The following SH2B2 variants were observed in gnomAD, a reference collection of about 807,000 sequenced individuals.
SH2B2 encodes the protein SH2B adapter protein 2.
SH2B2 carries 37 observed loss-of-function variants against 35.7 expected under a neutral mutation model. The observed-to-expected ratio is 1.04, with a 90% confidence interval of 0.80 to 1.36. SH2B2 has a LOEUF of 1.36. Among genes scored for constraint, SH2B2 ranks in the 40% most tolerant of loss-of-function variants. The probability of loss-of-function intolerance (pLI) is 0.00; values close to 1 mark genes in which losing one functional copy is unlikely to be tolerated. For missense variants in SH2B2, 852 were observed against 817.7 expected (o/e 1.04, Z -0.51); for synonymous variants, 383 against 376.4 (o/e 1.02, Z -0.20).
At chr7:102,305,376 G>A (rs1436090400) in intron 2 of SH2B2, among the ~76,000 whole-genome samples, 3 of 151,664 alleles carry the variant, frequency 2.0e-5, no homozygotes, top group South Asian at 2.1e-4. Context: ...AGTGATCCTC[G>A]TGCCTCAGCC....
intron 2 of SH2B2, among the ~76,000 whole-genome samples, chr7:102,301,559 CGTGTGTGT>C (rs144412397): frequency 0.027 from 3,916 of 145,128 alleles, 188 homozygotes; most frequent in African/African-American, 0.094. Context: ...TGTGTGTGTC[CGTGTGTGT>C]GTGTGTGTGT....
At position 102,301,256 on chromosome 7, in the gene SH2B2, C is replaced by A; in HGVS notation, c.706C>A (p.Leu236Met). ...GGCTGTGGCCGAGGAACGCTTCCGCCTGGAGTTCTTCGTGCCGCCCAAAGT... is the reference window on the plus strand; with the variant it reads ...GGCTGTGGCCGAGGAACGCTTCCGCATGGAGTTCTTCGTGCCGCCCAAAGT... Reference protein sequence around the residue: ...RRAVAEERFRLEFFVPPKASR... With the variant: ...RRAVAEERFRMEFFVPPKASR... The change falls in exon 2 of 9, where the codon CTG becomes ATG. Residue 236 changes from leucine (L) to methionine (M), a missense_variant. By Grantham distance (15) the Leu-to-Met change is conservative (BLOSUM62 2). This residue lies in a region of SH2B2 where 556 missense variants were observed against 514.5 expected (regional missense o/e 1.08). Transcript: ENST00000444095. 6.2e-7 allele frequency: 1 copy of A among 1,604,988 alleles called. No homozygotes were observed. Among genetic ancestry groups the A allele is most frequent in the Non-Finnish European group, 8.5e-7 (1 of 1,176,270 alleles).
chr7:102,308,989 A>C (rs1255409569), intron 4 of SH2B2, 83 bp downstream of exon 4: 2 of 1,072,922 alleles, frequency 1.9e-6, no homozygotes, highest in Non-Finnish European at 2.9e-6. Context: ...GCTTCCTAGC[A>C]GGGCGGGAGC....
chr7:102,300,473 C>A, intron 1 of SH2B2, 49 bp from the exon 2 acceptor site: 1 of 1,478,310 alleles, frequency 6.8e-7, no homozygotes, highest in Non-Finnish European at 9.0e-7. Context: ...GACAGGTGGG[C>A]GCATTGATCA....
At chr7:102,288,428 A>G (rs1239922931) in intron 1 of SH2B2, among the ~76,000 whole-genome samples, 1 of 152,092 alleles carries the variant, frequency 6.6e-6, no homozygotes, top group Admixed American at 6.5e-5. Context: ...ACCAACATAC[A>G]AGAACAGCCC....
At chr7:102,304,432 T>C (rs1438020154) in intron 2 of SH2B2, among the ~76,000 whole-genome samples, 1 of 151,920 alleles carries the variant, frequency 6.6e-6, no homozygotes, top group African/African-American at 2.4e-5. Flanking sequence ...GGGAAACCAC[T>C]GGGAAACCTG....
At chr7:102,312,997 T>C (rs913873013) in intron 4 of SH2B2, among the ~76,000 whole-genome samples, 19 of 151,572 alleles carry the variant, frequency 1.3e-4, no homozygotes, top group East Asian at 5.8e-4. Flanking sequence ...GGCGTGGTGG[T>C]ACATGCCTGT....
chr7:102,300,709 C>G lies in SH2B2; in HGVS notation c.159C>G (p.Asp53Glu), dbSNP rs1554553465. Reference protein sequence around the residue: ...CRFLRDNPAYDTPDAGASFSR... With the variant: ...CRFLRDNPAYETPDAGASFSR... Reference sequence around the variant, plus strand: ...TCCTGCGGGACAACCCAGCTTACGACACGCCCGACGCCGGCGCCTCCTTCT... The same window carrying G: ...TCCTGCGGGACAACCCAGCTTACGAGACGCCCGACGCCGGCGCCTCCTTCT... Residue 53 changes from aspartate (D) to glutamate (E), a missense_variant, in exon 2 of 9, where the codon GAC becomes GAG. Asp to Glu is a conservative substitution (Grantham distance 45). Around this residue, in one of 3 missense-constraint regions of SH2B2, gnomAD observed 294 missense variants for 286.6 expected, o/e 1.03. Coordinates refer to ENST00000444095, the MANE Select transcript of SH2B2 (RefSeq NM_001359228.2). The G allele has an allele frequency of 6.5e-7, 1 of 1,538,960 alleles. No homozygotes were observed.
chr7:102,314,789 T>C (rs1793757152), intron 6 of SH2B2, 107 bp downstream of exon 6: 1 of 398,066 alleles, frequency 2.5e-6, no homozygotes, highest in Non-Finnish European at 4.4e-6. Context: ...TCAGAAGCTG[T>C]GACATCTCAT....
intron 6 of SH2B2, 178 bp from the exon 7 acceptor site, chr7:102,317,009 C>G (rs1440188407): frequency 1.7e-6 from 1 of 575,410 alleles, no homozygotes; most frequent in Non-Finnish European, 3.0e-6. Context: ...GCGACAAGAG[C>G]GAAACTTCGT....
intron 4 of SH2B2, among the ~76,000 whole-genome samples, chr7:102,310,301 G>A (rs1300867158): frequency 6.6e-6 from 1 of 152,202 alleles, no homozygotes; most frequent in Admixed American, 6.5e-5. Context: ...GAGCGACAGA[G>A]CAAGACTGTC....
intron 1 of SH2B2, among the ~76,000 whole-genome samples, chr7:102,288,324 G>A (rs1792537662): frequency 6.6e-6 from 1 of 152,064 alleles, no homozygotes; most frequent in African/African-American, 2.4e-5. Context: ...GGTGGTGGCG[G>A]TGGTGGCACT....
intron 1 of SH2B2, among the ~76,000 whole-genome samples, chr7:102,299,197 C>CAGTCTTGAG (rs1793047383): frequency 1.6e-4 from 4 of 24,618 alleles, no homozygotes; most frequent in African/African-American, 3.9e-4. Flanking sequence ...CCGCGCCTGG[C>CAGTCTTGAG]TTTTTTTTTT....
chr7:102,302,924 C>A (rs1252082940), intron 2 of SH2B2, among the ~76,000 whole-genome samples: 3 of 151,910 alleles, frequency 2.0e-5, no homozygotes, highest in Non-Finnish European at 2.9e-5. Flanking sequence ...TCTCAAAAAA[C>A]CAAACCAAAA....
Position 102,286,929 on chromosome 7 carries a change from G to T in SH2B2, c.-195G>T, listed in dbSNP as rs1444636963. ...TCGGCTGCCAGAGAGCCGCGCGGGG[G>T]ACGCGCCGGGACCGCGAGGAGCGCA... is the stretch of plus-strand genomic sequence containing the variant. On this transcript the variant is annotated 5_prime_UTR_variant, in exon 1 of 9. Coordinates refer to ENST00000444095, the MANE Select transcript of SH2B2 (RefSeq NM_001359228.2). 1.3e-5 allele frequency: 2 copies of T among 149,098 alleles called. No individual in the cohort carries two copies. Among genetic ancestry groups the T allele is most frequent in the African/African-American group, 4.9e-5 (2 of 40,980 alleles). 9.2% of individuals were successfully genotyped at this position (149,098 alleles called of 1,614,324 possible).
chr7:102,302,645 C>T (rs1208995111), intron 2 of SH2B2, among the ~76,000 whole-genome samples: 1 of 152,236 alleles, frequency 6.6e-6, no homozygotes, highest in Non-Finnish European at 1.5e-5. Flanking sequence ...CCTCTGGGTA[C>T]CCCACCCCAG....
At chr7:102,288,062 G>C (rs528100745) in intron 1 of SH2B2, among the ~76,000 whole-genome samples, 1 of 152,272 alleles carries the variant, frequency 6.6e-6, no homozygotes, top group East Asian at 1.9e-4. Flanking sequence ...CTGCCTCCTG[G>C]CTAAGGGACC....
Position 102,308,922 on chromosome 7 carries a change from G to T in SH2B2, c.923+16G>T. 1.2e-6 allele frequency: 2 copies of T among 1,603,446 alleles called. No individual in the cohort carries two copies. The highest frequency in any genetic ancestry group is 1.7e-6 in the Non-Finnish European group (2 of 1,170,846). ...TGGACCCCGGGTGAGTGTCCAAGTG[G>T]CCCGAAGATGGGTGGACAGGCTGGG... is the stretch of plus-strand genomic sequence containing the variant. On this transcript the variant is annotated intron_variant, in intron 4 of 8. Coordinates refer to ENST00000444095, the MANE Select transcript of SH2B2 (RefSeq NM_001359228.2).
At position 102,320,488 on chromosome 7, in the gene SH2B2, A is replaced by C. The variant is rs1554558191; in HGVS notation, c.1553A>C (p.Gln518Pro). 1 of 1,612,742 alleles carries C rather than the reference A, an allele frequency of 6.2e-7. No homozygotes were observed. The stretch of plus-strand genomic sequence containing the variant: ...ACCCTTCGCAGCTATGTGCGGGCCC[A>C]GGACCCCCCACCAGGTAAGATGCCG... ...DITLRSYVRA[Q>P]DPPPEPGPTP... The change falls in exon 8 of 9, where the codon CAG (glutamine) becomes CCG (proline). Residue 518 changes from glutamine (Q) to proline (P), a missense_variant. Coordinates refer to ENST00000444095, the MANE Select transcript of SH2B2 (RefSeq NM_001359228.2).
Sources: allele counts gnomAD v4.1 joint callset (sites outside exome capture counted in the v4.1 genomes callset), GRCh38; gene constraint gnomAD v4.1.1; regional missense constraint gnomAD v4.1.1; transcripts MANE v1.5; gene names NCBI Gene and HGNC (gene_info 2026-07-23, HGNC 2026-07-21).